SPMIP2: variants seen among roughly 807,000 people sequenced by gnomAD.
The protein encoded by SPMIP2 is sperm microtubule inner protein 2.
the SPMIP2 span, among the ~76,000 whole-genome samples, chr4:158,933,372 T>C: frequency 6.6e-6 from 1 of 152,220 alleles, no homozygotes; most frequent in Non-Finnish European, 1.5e-5. Context: ...TGGAGGTCCT[T>C]AGTTCACCAT....
At chr4:159,050,159 C>A in the SPMIP2 span, among the ~76,000 whole-genome samples, 2 of 151,342 alleles carry the variant, frequency 1.3e-5, 1 homozygote. Context: ...ATTTTGACAG[C>A]ATTTGGAATT....
chr4:159,064,443 A>G, the SPMIP2 span: 1 of 152,196 alleles, frequency 6.6e-6, no homozygotes, highest in Non-Finnish European at 1.5e-5. Flanking sequence ...CAAGTAGGCT[A>G]GAAAAGGATT....
chr4:159,029,862 T>C, the SPMIP2 span, among the ~76,000 whole-genome samples: 6 of 152,214 alleles, frequency 3.9e-5, no homozygotes, highest in South Asian at 2.1e-4. Flanking sequence ...GACAAGTTTT[T>C]AGTACTTAAT....
At chr4:159,030,908 C>G in the SPMIP2 span, among the ~76,000 whole-genome samples, 1 of 152,120 alleles carries the variant, frequency 6.6e-6, no homozygotes, top group South Asian at 2.1e-4. Flanking sequence ...ATTTTCTCAT[C>G]CTCTACATGG....
At chr4:159,076,815 G>A in the SPMIP2 span, among the ~76,000 whole-genome samples, 1 of 149,940 alleles carries the variant, frequency 6.7e-6, no homozygotes, top group Admixed American at 6.7e-5. Flanking sequence ...TTACAGACAT[G>A]CATCACCATT....
the SPMIP2 span, among the ~76,000 whole-genome samples, chr4:159,006,360 C>T: frequency 1.4e-4 from 21 of 152,252 alleles, no homozygotes; most frequent in African/African-American, 3.9e-4. Flanking sequence ...CATGTTTACG[C>T]GAGATGAAAA....
chr4:159,039,684 C>A, the SPMIP2 span, among the ~76,000 whole-genome samples: 1 of 152,188 alleles, frequency 6.6e-6, no homozygotes, highest in East Asian at 1.9e-4. Flanking sequence ...CATGAGCCAC[C>A]AGATGCCTTT....
the SPMIP2 span, among the ~76,000 whole-genome samples, chr4:158,991,818 T>G: frequency 6.6e-6 from 1 of 151,282 alleles, no homozygotes; most frequent in Non-Finnish European, 1.5e-5. Context: ...AAGAACTGTA[T>G]TAGTCTTTTT....
the SPMIP2 span, among the ~76,000 whole-genome samples, chr4:159,071,370 G>A: frequency 1.3e-5 from 2 of 152,172 alleles, no homozygotes; most frequent in African/African-American, 2.4e-5. Context: ...GTTGTCCAGA[G>A]TGAGCTTCCT....
chr4:159,041,976 T>G, the SPMIP2 span, among the ~76,000 whole-genome samples: 2 of 152,226 alleles, frequency 1.3e-5, no homozygotes, highest in Non-Finnish European at 2.9e-5. Flanking sequence ...CTAATTATTT[T>G]GGGTTCTTAA....
the SPMIP2 span, among the ~76,000 whole-genome samples, chr4:159,018,667 G>T: frequency 6.6e-6 from 1 of 152,134 alleles, no homozygotes. Context: ...TGCTGGTCTT[G>T]TCCCCCTGGC....
chr4:158,973,051 A>G, the SPMIP2 span: 1 of 1,379,970 alleles, frequency 7.2e-7, no homozygotes, highest in Non-Finnish European at 1.0e-6. Flanking sequence ...ACAGTATACT[A>G]TGAAAAGCAT....
the SPMIP2 span, among the ~76,000 whole-genome samples, chr4:159,030,029 T>C: frequency 8.5e-5 from 13 of 152,240 alleles, no homozygotes; most frequent in African/African-American, 2.9e-4. Context: ...GCTAGATATA[T>C]ACTGTGAATC....
the SPMIP2 span, among the ~76,000 whole-genome samples, chr4:158,990,129 C>A: frequency 6.6e-6 from 1 of 152,142 alleles, no homozygotes; most frequent in Non-Finnish European, 1.5e-5. Flanking sequence ...TGAAAAAAAG[C>A]TCATCATCAC....
chr4:159,070,312 C>A, the SPMIP2 span, among the ~76,000 whole-genome samples: 1 of 152,172 alleles, frequency 6.6e-6, no homozygotes, highest in African/African-American at 2.4e-5. Context: ...TAAACATCAA[C>A]AGTCATCAAG....
the SPMIP2 span, among the ~76,000 whole-genome samples, chr4:159,001,697 T>G: frequency 6.6e-6 from 1 of 152,224 alleles, no homozygotes; most frequent in Non-Finnish European, 1.5e-5. Context: ...TATGGCTGCA[T>G]AGTATTCCAT....
chr4:158,920,534 C>T, the SPMIP2 span, among the ~76,000 whole-genome samples: 1 of 152,150 alleles, frequency 6.6e-6, no homozygotes, highest in Non-Finnish European at 1.5e-5. Context: ...GAGTGTCTGT[C>T]TTATGCGGTT....
the SPMIP2 span, among the ~76,000 whole-genome samples, chr4:159,056,001 G>A: frequency 3.3e-5 from 5 of 152,088 alleles, no homozygotes; most frequent in Non-Finnish European, 4.4e-5. Flanking sequence ...AGGAGGAGCC[G>A]CTTGTCTTAG....
At chr4:159,003,982 AT>A in the SPMIP2 span, among the ~76,000 whole-genome samples, 20 of 152,276 alleles carry the variant, frequency 1.3e-4, no homozygotes, top group Admixed American at 5.9e-4. Context: ...TTGACGAGTC[AT>A]CACCAGCTGA....
Sources: gnomAD v4.1 joint callset for allele counts (sites outside exome capture counted in the v4.1 genomes callset) on GRCh38, gnomAD v4.1.1 for gene constraint, MANE v1.5 for transcripts, NCBI Gene and HGNC (gene_info 2026-07-23, HGNC 2026-07-21) for gene names.